Variants in DACH2 observed in about 807,000 individuals in gnomAD.
The protein encoded by DACH2 is dachshund homolog 2.
Under a neutral mutation model 35.8 loss-of-function variants are expected in DACH2, and 17 were observed. The observed-to-expected ratio is 0.48, with a 90% CI of 0.33 to 0.71. The LOEUF is 0.71. DACH2 is among the 30% of genes least tolerant of loss of function. The pLI is 0.02. For missense variants in DACH2, 469 were observed against 472.7 expected, an observed-to-expected ratio of 0.99 and a Z score of 0.07; for synonymous variants, 195 against 177.3, an observed-to-expected ratio of 1.10 and a Z score of -0.79.
chrX:86,160,859 A>G, intron 1 of DACH2: 1 of 520,525 alleles, frequency 1.9e-6, no homozygotes, highest in Admixed American at 2.7e-5. Context: ...TCTTCACTTG[A>G]CCACCAAGTA....
intron 3 of DACH2, among the ~76,000 whole-genome samples, chrX:86,517,956 C>A (rs1275824547): frequency 9.0e-6 from 1 of 111,645 alleles, no homozygotes; most frequent in Admixed American, 9.5e-5. Flanking sequence ...GTGTCTATGT[C>A]ATGAAATCTT....
At chrX:86,323,648 G>C (rs2035058477) in intron 1 of DACH2, among the ~76,000 whole-genome samples, 1 of 112,024 alleles carries the variant, frequency 8.9e-6, no homozygotes. Context: ...GTTGGGGCTA[G>C]GGTCAGCCTA....
chrX:86,225,866 G>C (rs1447023517), intron 1 of DACH2, among the ~76,000 whole-genome samples: 1 of 111,484 alleles, frequency 9.0e-6, no homozygotes, highest in Non-Finnish European at 1.9e-5. Flanking sequence ...ATAAAGCCAG[G>C]GTTTTGAATG....
chrX:86,324,648 G>A (rs917441034), intron 1 of DACH2, among the ~76,000 whole-genome samples: 4 of 93,016 alleles, frequency 4.3e-5, no homozygotes, highest in Non-Finnish European at 8.2e-5. Context: ...GCGTGATCTC[G>A]GCTCACTGCA....
chrX:86,324,878 G>A (rs890349810), intron 1 of DACH2, among the ~76,000 whole-genome samples: 9 of 110,414 alleles, frequency 8.2e-5, no homozygotes, highest in East Asian at 2.8e-4. Flanking sequence ...AGATCCCACC[G>A]TGATCAGTCA....
chrX:86,322,479 C>T (rs1377459401), intron 1 of DACH2, among the ~76,000 whole-genome samples: 1 of 111,338 alleles, frequency 9.0e-6, no homozygotes, highest in Non-Finnish European at 1.9e-5. Flanking sequence ...CCTCCTTGGT[C>T]CCTGGGTCCT....
chrX:86,398,771 C>T (rs1448650140), intron 2 of DACH2, among the ~76,000 whole-genome samples: 3 of 111,854 alleles, frequency 2.7e-5, no homozygotes, highest in Non-Finnish European at 5.6e-5. Context: ...GTTACAATTT[C>T]TGTTCTTTTA....
intron 1 of DACH2, among the ~76,000 whole-genome samples, chrX:86,254,781 A>ATATATATATATATATATATATATAT (rs1556004270): frequency 4.4e-5 from 1 of 22,593 alleles, no homozygotes; most frequent in African/African-American, 1.8e-4. Flanking sequence ...CAAATAAATA[A>ATATATATATATATATATATATATAT]ATATATATAT....
At chrX:86,238,712 A>G (rs908650065) in intron 1 of DACH2, among the ~76,000 whole-genome samples, 1 of 110,670 alleles carries the variant, frequency 9.0e-6, no homozygotes, top group African/African-American at 3.3e-5. Flanking sequence ...GCATCATATA[A>G]TGAATGTGTG....
intron 7 of DACH2, among the ~76,000 whole-genome samples, chrX:86,798,258 G>T (rs1245498791): frequency 3.6e-5 from 4 of 111,523 alleles, no homozygotes; most frequent in South Asian, 7.5e-4. Flanking sequence ...ATGTGCTGGG[G>T]CATCTGCACA....
chrX:86,256,098 A>T (rs187227149), intron 1 of DACH2, among the ~76,000 whole-genome samples: 1,171 of 111,126 alleles, frequency 0.011, 10 homozygotes, highest in African/African-American at 0.036. Context: ...AGGGATTTTT[A>T]TTTTTTTAAA....
intron 1 of DACH2, among the ~76,000 whole-genome samples, chrX:86,361,653 T>C (rs2035741217): frequency 8.9e-6 from 1 of 111,998 alleles, no homozygotes; most frequent in Non-Finnish European, 1.9e-5. Flanking sequence ...TCAAACAGTA[T>C]AAGCATATTT....
intron 2 of DACH2, among the ~76,000 whole-genome samples, chrX:86,429,564 C>A (rs936957108): frequency 9.2e-6 from 1 of 109,010 alleles, no homozygotes; most frequent in South Asian, 3.9e-4. Context: ...CTTTTCTTTT[C>A]TTTTCTTTTT....
At chrX:86,204,591 A>G (rs1012113095) in intron 1 of DACH2, among the ~76,000 whole-genome samples, 9 of 111,829 alleles carry the variant, frequency 8.0e-5, no homozygotes, top group African/African-American at 2.9e-4. Flanking sequence ...ATTTAGAATG[A>G]GTTGCGTCAG....
At chrX:86,392,022 G>A (rs948289554) in intron 2 of DACH2, among the ~76,000 whole-genome samples, 4 of 110,159 alleles carry the variant, frequency 3.6e-5, no homozygotes, top group Non-Finnish European at 7.6e-5. Flanking sequence ...TGTGCAGAAC[G>A]GGGGCAGGTT....
At chrX:86,263,005 G>C (rs945729040) in intron 1 of DACH2, 10 of 750,990 alleles carry the variant, frequency 1.3e-5, no homozygotes, top group Admixed American at 1.8e-4. Context: ...AGCCAAAGCA[G>C]TGGAAGGTAA....
At chrX:86,321,614 G>T (rs752584445) in intron 1 of DACH2, among the ~76,000 whole-genome samples, 5 of 111,666 alleles carry the variant, frequency 4.5e-5, no homozygotes, top group African/African-American at 1.6e-4. Context: ...ATTGGGAGTG[G>T]TTTTTCCATT....
intron 2 of DACH2, among the ~76,000 whole-genome samples, chrX:86,498,553 G>A (rs898315152): frequency 8.9e-6 from 1 of 112,252 alleles, no homozygotes; most frequent in Non-Finnish European, 1.9e-5. Flanking sequence ...ACCTTCCAAC[G>A]TGGAAACACA....
intron 1 of DACH2, among the ~76,000 whole-genome samples, chrX:86,176,154 G>A (rs763285877): frequency 9.0e-6 from 1 of 111,262 alleles, no homozygotes; most frequent in African/African-American, 3.3e-5. Flanking sequence ...TATGCAAAAG[G>A]TGATGTAGTG....
Sources: allele counts gnomAD v4.1 joint callset (sites outside exome capture counted in the v4.1 genomes callset), GRCh38; gene constraint gnomAD v4.1.1; transcripts MANE v1.5; gene names NCBI Gene and HGNC (gene_info 2026-07-23, HGNC 2026-07-21).